Variants in MYO1H observed in about 807,000 individuals in gnomAD.
The protein encoded by MYO1H is myosin IH.
In MYO1H, 118 loss-of-function variants were observed where a neutral mutation model predicts 149.3. The observed-to-expected ratio is 0.79, with a 90% CI of 0.68 to 0.92. The LOEUF (loss-of-function observed/expected upper bound fraction) is 0.92, where lower values mean the gene tolerates loss of function less well. Ranked by LOEUF, MYO1H falls within the 40% of genes least tolerant of loss-of-function variation. MYO1H has a pLI of 0.00. For synonymous variants in MYO1H, 447 were observed against 465.2 expected, an observed-to-expected ratio of 0.96 and a Z score of 0.50; for missense variants, 1,212 against 1,280.7, an observed-to-expected ratio of 0.95 and a Z score of 0.82.
chr12:109,404,926 T>A (rs559904481), intron 7 of MYO1H, among the ~76,000 whole-genome samples: 2 of 152,104 alleles, frequency 1.3e-5, no homozygotes, highest in East Asian at 3.9e-4. Flanking sequence ...CAGCTGTATT[T>A]GAAGCCAGGT....
chr12:109,401,126 T>C (rs529670508), exon 6 of MYO1H: 2 of 1,613,976 alleles, frequency 1.2e-6, no homozygotes, highest in East Asian at 4.5e-5. Flanking sequence ...CATCAGTTAC[T>C]TGATAGAGAA....
chr12:109,327,005 T>C, the MYO1H span, among the ~76,000 whole-genome samples: 1 of 152,114 alleles, frequency 6.6e-6, no homozygotes, highest in Non-Finnish European at 1.5e-5. Flanking sequence ...AACACTGTTA[T>C]TACATTAGAG....
rs966651683 is a variant in MYO1H at position 109,443,437 on chromosome 12, A to G, written c.2689-77A>G. 7 of 1,524,486 alleles carry G rather than the reference A, an allele frequency of 4.6e-6. No homozygotes were observed. In the African/African-American group the frequency reaches 5.5e-5, roughly 12 times the overall value. The allele number at this position is 1,524,486 out of a possible 1,614,324, so 94.4% of individuals were successfully genotyped here. On this transcript the variant is annotated intron_variant, in intron 27 of 31. Coordinates refer to ENST00000310903, the Ensembl canonical transcript of MYO1H. ...TGAGCTTTTCTAAATGCTTGACATC[A>G]CTTTACCGGTGTCTGAGTAGCAAGA... is the stretch of plus-strand genomic sequence containing the variant.
chr12:109,332,150 C>T, the MYO1H span, among the ~76,000 whole-genome samples: 1 of 152,196 alleles, frequency 6.6e-6, no homozygotes, highest in Non-Finnish European at 1.5e-5. Context: ...TTTCATGAAC[C>T]TCAGTCCATT....
chr12:109,411,903 T>A (rs779395239), exon 14 of MYO1H: 2 of 1,602,884 alleles, frequency 1.2e-6, no homozygotes, highest in Non-Finnish European at 1.7e-6. Flanking sequence ...GGATGAAGAA[T>A]GCATTCGGCC....
the MYO1H span, among the ~76,000 whole-genome samples, chr12:109,312,764 TTTTTGTTTGTTTTTTG>T: frequency 7.0e-6 from 1 of 142,614 alleles, no homozygotes; most frequent in Non-Finnish European, 1.5e-5. Flanking sequence ...ACCAAGGTTT[TTTTTGTTTGTTTTTTG>T]TTTTGTTTTG....
At chr12:109,344,014 C>T (rs904015975), upstream of MYO1H, among the ~76,000 whole-genome samples, 1 of 152,152 alleles carries the variant, frequency 6.6e-6, no homozygotes, top group African/African-American at 2.4e-5. Flanking sequence ...GACAGTTTCT[C>T]AGACTTTCCT....
intron 15 of MYO1H, among the ~76,000 whole-genome samples, chr12:109,416,894 C>G (rs780795546): frequency 6.6e-6 from 1 of 152,094 alleles, no homozygotes; most frequent in Non-Finnish European, 1.5e-5. Flanking sequence ...GTAATCCCAG[C>G]TACTAGGGAG....
Position 109,386,091 on chromosome 12 carries a change from G to C in MYO1H, c.13-2592G>C, listed in dbSNP as rs77085561. ...GGATTAGTTTTGCTTGTCCCAGTGT[G>C]CCATATCAATGGAATCCTACAGTAC... On this transcript the variant is annotated intron_variant, in intron 1 of 31. Transcript: ENST00000310903. Among the ~76,000 whole-genome samples, 195 of 152,302 alleles carry C rather than the reference G, an allele frequency of 1.3e-3. 4 individuals carry two copies. In the East Asian group the frequency reaches 0.036, roughly 28 times the overall value.
rs555145283 is a variant in MYO1H, at chr12:109,425,659, G to A, written c.1726-287G>A. ...AGGTGGAAGAGAATGACAGGCCTGG[G>A]GCAGAACTGGTTCCTGCTGGGCACT... is the stretch of plus-strand genomic sequence containing the variant. On this transcript the variant is annotated intron_variant, in intron 17 of 31. Transcript: ENST00000310903. Among the ~76,000 whole-genome samples the A allele has an allele frequency of 4.8e-4, 73 of 152,264 alleles. 1 individual carries two copies. The South Asian group carries it at 0.014, about 29-fold the overall frequency.
exon 25 of MYO1H, chr12:109,440,746 A>T: frequency 6.4e-7 from 1 of 1,560,624 alleles, no homozygotes; most frequent in Non-Finnish European, 8.7e-7. Flanking sequence ...CCACACAGGC[A>T]TCAGATCTGC....
intron 1 of MYO1H, among the ~76,000 whole-genome samples, chr12:109,355,327 G>A (rs763621236): frequency 7.2e-5 from 11 of 152,186 alleles, no homozygotes; most frequent in African/African-American, 1.7e-4. Flanking sequence ...CTGGGGAAAC[G>A]TGCGACTGGG....
rs1376085485 is a variant in MYO1H, at chr12:109,398,740, T to C, written c.570+928T>C. Among the ~76,000 whole-genome samples, 21 of 44,830 alleles carry C rather than the reference T, an allele frequency of 4.7e-4. No homozygotes were observed. In the East Asian group the frequency reaches 0.018, roughly 38 times the overall value. The allele number at this position is 44,830 out of a possible 152,430, so 29.4% of individuals were successfully genotyped here. A position where few individuals can be genotyped will look rare whatever the true frequency, so the allele number is the denominator to read the frequency against. On this transcript the variant is annotated intron_variant, in intron 5 of 31. Coordinates refer to ENST00000310903, the Ensembl canonical transcript of MYO1H. ...CGGGCAACAAGAGCGAAACTTCCTCTCAAAAAAAAAAAAAAAAAAAAAAAA... is the reference window on the plus strand; with the variant it reads ...CGGGCAACAAGAGCGAAACTTCCTCCCAAAAAAAAAAAAAAAAAAAAAAAA...
Position 109,411,762 on chromosome 12 carries a change from A to G in MYO1H, c.1411-132A>G. On this transcript the variant is annotated intron_variant, in intron 13 of 31. Coordinates refer to ENST00000310903, the Ensembl canonical transcript of MYO1H. ...GGATTAAGCCCTTCTTCCCCCCAGA[A>G]TGTTCACCTGCACTTACATGAATTG... 12 of 598,254 alleles carry G rather than the reference A, an allele frequency of 2.0e-5. No individual in the cohort carries two copies. The South Asian group carries it at 2.8e-4, about 14-fold the overall frequency. The allele number at this position is 598,254 out of a possible 1,614,324, so 37.1% of individuals were successfully genotyped here.
the MYO1H span, among the ~76,000 whole-genome samples, chr12:109,336,421 G>A: frequency 1.1e-3 from 175 of 152,330 alleles, no homozygotes; most frequent in African/African-American, 4.0e-3. Flanking sequence ...ACTGGCTTGA[G>A]TATTAGACTG....
chr12:109,445,463 A>AG, intron 30 of MYO1H, 50 bp from the exon 31 acceptor site: 2 of 1,376,078 alleles, frequency 1.5e-6, no homozygotes, highest in Non-Finnish European at 2.0e-6. Context: ...CCAAAGGTTG[A>AG]GAGAAGAAAA....
the MYO1H span, among the ~76,000 whole-genome samples, chr12:109,330,765 T>G: frequency 6.6e-6 from 1 of 152,194 alleles, no homozygotes; most frequent in Non-Finnish European, 1.5e-5. Flanking sequence ...GCTTGCAAGT[T>G]CAAAGTGAAA....
At chr12:109,439,348 G>A (rs1414984669) in intron 23 of MYO1H, among the ~76,000 whole-genome samples, 1 of 152,112 alleles carries the variant, frequency 6.6e-6, no homozygotes, top group African/African-American at 2.4e-5. Flanking sequence ...CAAAATGCTG[G>A]GATTACAGGC....
intron 27 of MYO1H, among the ~76,000 whole-genome samples, chr12:109,442,493 C>T (rs1247939794): frequency 6.6e-6 from 1 of 152,214 alleles, no homozygotes; most frequent in East Asian, 1.9e-4. Context: ...ACCCTAGAAA[C>T]TGTCTTGGTT....
Sources: gnomAD v4.1 joint callset for allele counts (sites outside exome capture counted in the v4.1 genomes callset) on GRCh38, gnomAD v4.1.1 for gene constraint, MANE v1.5 for transcripts, NCBI Gene and HGNC (gene_info 2026-07-23, HGNC 2026-07-21) for gene names.